DET1: variants seen among roughly 807,000 people sequenced by gnomAD.
DET1 encodes DET1 homolog.
DET1 carries 22 observed loss-of-function variants against 43.7 expected under a neutral mutation model. That is an observed-to-expected ratio of 0.50 (90% CI 0.36 to 0.72). DET1 has a LOEUF of 0.72. Among genes scored for constraint, DET1 ranks in the 30% least tolerant of loss-of-function variants. DET1 has a pLI of 0.00. For missense variants in DET1, 713 were observed against 713.3 expected, an observed-to-expected ratio of 1.00 and a Z score of 0.00; for synonymous variants, 315 against 266.2, an observed-to-expected ratio of 1.18 and a Z score of -1.79.
At chr15:88,523,051 T>A (rs1189317582) in intron 3 of DET1, among the ~76,000 whole-genome samples, 1 of 151,964 alleles carries the variant, frequency 6.6e-6, no homozygotes, top group Non-Finnish European at 1.5e-5. Context: ...CCCAGCTAAT[T>A]TTTTTGTTTT....
rs371965991 is a variant in DET1, at chr15:88,537,765, G to A, written c.-10-6050C>T. ...AACGGGAAGTTCTGTGTCAACTCAG[G>A]CATCCACAGGGACTATTCCCTCTGC... On this transcript the variant is annotated intron_variant, in intron 1 of 4. Transcript: ENST00000268148. 7.2e-4 allele frequency among the ~76,000 whole-genome samples: 110 copies of A among 152,298 alleles called. No individual in the cohort carries two copies. The South Asian group carries it at 0.021, about 29-fold the overall frequency.
intron 3 of DET1, among the ~76,000 whole-genome samples, chr15:88,519,363 C>A (rs1023910011): frequency 3.3e-5 from 5 of 152,162 alleles, no homozygotes; most frequent in African/African-American, 9.7e-5. Context: ...AGCACCATAG[C>A]CTCCTGCTAG....
In DET1 at chr15:88,531,401, C is replaced by G. The variant is rs2056811095; in HGVS notation, c.305G>C (p.Gly102Ala). 2 of 1,614,034 alleles carry G rather than the reference C, an allele frequency of 1.2e-6. No homozygotes were observed. The highest frequency in any genetic ancestry group is 1.3e-5 in the African/African-American group (1 of 75,038). Residue 102 changes from glycine (G) to alanine (A), a missense_variant, in exon 2 of 5, where the codon GGA becomes GCA. Coordinates refer to ENST00000268148, the MANE Select transcript of DET1 (RefSeq NM_001144074.3). The surrounding 1 kb of genome is among the most constrained non-coding windows in gnomAD (Gnocchi z 6.2). ...GTCATTGCCATTGGACAGGATTTCT[C>G]CTTCGTATCCCTGCAGTAGGTCCTC... Reference protein sequence around the residue: ...AAEDLLQGYEGEILSNGNDQR... With the variant: ...AAEDLLQGYEAEILSNGNDQR...
chr15:88,513,425 T>C (rs2142254020), intron 4 of DET1, among the ~76,000 whole-genome samples: 1 of 152,266 alleles, frequency 6.6e-6, no homozygotes, highest in East Asian at 1.9e-4. Context: ...GCCTCTCCGC[T>C]TCCAGACGTT....
intron 1 of DET1, among the ~76,000 whole-genome samples, chr15:88,545,571 ATTAAGT>A (rs549405636): frequency 1.4e-4 from 21 of 152,320 alleles, no homozygotes; most frequent in African/African-American, 3.8e-4. Context: ...TCATCATACT[ATTAAGT>A]TTAATTTTTA....
At chr15:88,522,886 C>CTT (rs144486649) in intron 3 of DET1, among the ~76,000 whole-genome samples, 5 of 138,458 alleles carry the variant, frequency 3.6e-5, no homozygotes, top group Non-Finnish European at 7.8e-5. Context: ...TTTTCTTCTT[C>CTT]TTTTTTTTTT....
chr15:88,531,711 C>T lies in DET1; in HGVS notation c.-6G>A. On this transcript the variant is annotated 5_prime_UTR_variant, in exon 2 of 5. It adds an upstream start codon to the 5' untranslated region. Transcript: ENST00000268148. The surrounding 1 kb of genome is among the most constrained non-coding windows in gnomAD (Gnocchi z 6.2). ...GTAGAAACATGATGATCCATTATCA[C>T]ATCTCTAAACAGAAAAGTAAAGCAG... The T allele has an allele frequency of 6.3e-7, 1 of 1,592,232 alleles. No homozygotes were observed. Among genetic ancestry groups the T allele is most frequent in the Non-Finnish European group, 8.6e-7 (1 of 1,165,508 alleles).
intron 1 of DET1, among the ~76,000 whole-genome samples, chr15:88,537,966 T>C (rs1332518537): frequency 6.6e-6 from 1 of 152,234 alleles, no homozygotes; most frequent in Non-Finnish European, 1.5e-5. Context: ...ACTTGCATGC[T>C]TGTGTTTAAT....
chr15:88,530,824 G>C lies in DET1; in HGVS notation c.882C>G (p.Ser294=). 1 of 1,613,934 alleles carries C rather than the reference G, an allele frequency of 6.2e-7. No homozygotes were observed. Among genetic ancestry groups the C allele is most frequent in the East Asian group, 2.2e-5 (1 of 44,872 alleles). The change falls in exon 2 of 5, where the codon TCC becomes TCG. Residue 294 remains serine (S), a synonymous_variant. Coordinates refer to ENST00000268148, the MANE Select transcript of DET1 (RefSeq NM_001144074.3). Reference sequence around the variant, plus strand: ...AATATACCAGCAACCGGTGTTTGAGGGAATTGATGAAAGGATCCCTAAAGG... The same window carrying C: ...AATATACCAGCAACCGGTGTTTGAGCGAATTGATGAAAGGATCCCTAAAGG... ...ANPFRDPFIN[S]LKHRLLVYLW... is the part of the protein sequence containing the mutation.
intron 2 of DET1, among the ~76,000 whole-genome samples, chr15:88,528,042 A>G (rs954704379): frequency 5.9e-5 from 9 of 152,224 alleles, no homozygotes; most frequent in Admixed American, 3.9e-4. Flanking sequence ...TTTCCACTGT[A>G]TCTGTGCTGC....
At chr15:88,533,247 C>T (rs1026576664) in intron 1 of DET1, among the ~76,000 whole-genome samples, 5 of 152,100 alleles carry the variant, frequency 3.3e-5, no homozygotes, top group African/African-American at 9.7e-5. Context: ...TCACCTCACA[C>T]CCATTAGAAC....
chr15:88,507,569 A>C (rs1287271005), downstream of DET1, among the ~76,000 whole-genome samples: 1 of 152,252 alleles, frequency 6.6e-6, no homozygotes, highest in Non-Finnish European at 1.5e-5. Context: ...GCTAGTGATC[A>C]GAATCCTTGG....
intron 3 of DET1, among the ~76,000 whole-genome samples, chr15:88,525,652 TC>T (rs764868718): frequency 2.6e-5 from 4 of 151,876 alleles, no homozygotes; most frequent in Non-Finnish European, 5.9e-5. Context: ...AGTGTACCCA[TC>T]TTTTGTTCTT....
intron 2 of DET1, among the ~76,000 whole-genome samples, chr15:88,530,136 T>C (rs903356669): frequency 1.9e-4 from 29 of 152,250 alleles, no homozygotes; most frequent in Non-Finnish European, 3.2e-4. Context: ...AGTTACCTTA[T>C]AAATAGGACT....
chr15:88,512,888 T>A lies in DET1; in HGVS notation c.*63A>T. 6.3e-7 allele frequency: 1 copy of A among 1,577,230 alleles called. No homozygotes were observed. The highest frequency in any genetic ancestry group is 8.6e-7 in the Non-Finnish European group (1 of 1,157,726). On this transcript the variant is annotated 3_prime_UTR_variant, in exon 5 of 5. Transcript: ENST00000268148. Reference sequence around the variant, plus strand: ...GTAGTCGGGAGCTTTTGCTTTGGAGTCCACTGAGATAAGTGAGTGGCAAAG... The same window carrying A: ...GTAGTCGGGAGCTTTTGCTTTGGAGACCACTGAGATAAGTGAGTGGCAAAG...
At chr15:88,525,827 ATTTT>A (rs10658727) in intron 3 of DET1, among the ~76,000 whole-genome samples, 2 of 90,698 alleles carry the variant, frequency 2.2e-5, no homozygotes, top group African/African-American at 8.8e-5. Flanking sequence ...ACACTCGGCT[ATTTT>A]TTTTTTTTTT....
At position 88,546,580 on chromosome 15, in the gene DET1, C is replaced by T. The variant is rs1428465407; in HGVS notation, c.-51G>A. ...TCAAAGAGCCAGGGCGAGGGATGCC[C>T]CAGCCTGTTCTGTGCGCGCCTCCCC... On this transcript the variant is annotated 5_prime_UTR_variant, in exon 1 of 5. Transcript: ENST00000268148. The T allele has an allele frequency of 6.6e-6, 1 of 152,440 alleles. No individual in the cohort carries two copies. The highest frequency in any genetic ancestry group is 1.5e-5 in the Non-Finnish European group (1 of 68,196). The allele number at this position is 152,440 out of a possible 1,614,324, so 9.4% of individuals were successfully genotyped here.
chr15:88,542,427 G>A lies in DET1; in HGVS notation c.-11+4113C>T, dbSNP rs372511964. ...CTGAAGTTGTCCAGGGGCCTGATGA[G>A]TCACCAGGAGCGTTTTTAGAATGTC... On this transcript the variant is annotated intron_variant, in intron 1 of 4. Coordinates refer to ENST00000268148, the MANE Select transcript of DET1 (RefSeq NM_001144074.3). Among the ~76,000 whole-genome samples the A allele has an allele frequency of 1.6e-4, 25 of 152,254 alleles. No individual in the cohort carries two copies. The East Asian group carries it at 4.9e-3, about 30-fold the overall frequency.
At chr15:88,543,207 G>A (rs1334905386) in intron 1 of DET1, among the ~76,000 whole-genome samples, 2 of 152,150 alleles carry the variant, frequency 1.3e-5, no homozygotes, top group African/African-American at 4.8e-5. Flanking sequence ...TAAGACCTTG[G>A]AGACACCCAA....
Sources: gnomAD v4.1 joint callset for allele counts (sites outside exome capture counted in the v4.1 genomes callset) on GRCh38, gnomAD v4.1.1 for gene constraint, Gnocchi (gnomAD v3.1) non-coding constraint, MANE v1.5 for transcripts, NCBI Gene and HGNC (gene_info 2026-07-23, HGNC 2026-07-21) for gene names.